The following ZFP64 variants were observed in gnomAD, a reference collection of about 807,000 sequenced individuals.
The protein encoded by ZFP64 is zinc finger protein 64.
A neutral mutation model predicts 51.6 loss-of-function variants in ZFP64; 14 were observed. That is an observed-to-expected ratio of 0.27 (90% CI 0.18 to 0.42). ZFP64 has a LOEUF of 0.42. Among genes scored for constraint, ZFP64 ranks in the 10% least tolerant of loss-of-function variants. The probability of loss-of-function intolerance (pLI) is 1.00; values close to 1 mark genes in which losing one functional copy is unlikely to be tolerated. For missense variants in ZFP64, 754 were observed against 906.8 expected, an observed-to-expected ratio of 0.83 and a Z score of 2.16; for synonymous variants, 375 against 361.4, an observed-to-expected ratio of 1.04 and a Z score of -0.43.
chr20:52,137,260 G>C (rs1266628158), intron 5 of ZFP64, among the ~76,000 whole-genome samples: 2 of 152,006 alleles, frequency 1.3e-5, no homozygotes, highest in African/African-American at 4.8e-5. Flanking sequence ...TTCAGAGATG[G>C]GTTCTCTCCA....
chr20:52,178,723 G>A lies in ZFP64; in HGVS notation c.286+8109C>T, dbSNP rs554660504. Among the ~76,000 whole-genome samples, 85 of 144,000 alleles carry A rather than the reference G, an allele frequency of 5.9e-4. 2 individuals are homozygous for A. The South Asian group carries it at 9.5e-3, about 16-fold the overall frequency. 94.5% of individuals were successfully genotyped at this position (144,000 alleles called of 152,430 possible). A position where few individuals can be genotyped will look rare whatever the true frequency, so the allele number is the denominator to read the frequency against. On this transcript the variant is annotated intron_variant, in intron 2 of 5. Coordinates refer to ENST00000216923, the MANE Select transcript of ZFP64 (RefSeq NM_018197.3). The stretch of plus-strand genomic sequence containing the variant: ...ATTAGGAAATGCCCCCTTTCCCACC[G>A]TCTTTCTCCCAAAAGCCAATGGGTC...
At chr20:52,176,756 G>T (rs1047130544) in intron 2 of ZFP64, among the ~76,000 whole-genome samples, 2 of 151,826 alleles carry the variant, frequency 1.3e-5, no homozygotes, top group African/African-American at 4.8e-5. Flanking sequence ...TGATCCACCC[G>T]CCTCGGCCTC....
chr20:52,088,922 A>C (rs1013861257), intron 7 of ZFP64: 2 of 607,260 alleles, frequency 3.3e-6, no homozygotes, highest in Non-Finnish European at 6.2e-6. Context: ...TGGTTATAGA[A>C]GTACTCAGGA....
In ZFP64 at chr20:52,085,076, G is replaced by T. The variant is rs1213504966; in HGVS notation, c.1419C>A (p.Ala473=). The T allele has an allele frequency of 6.2e-7, 1 of 1,614,256 alleles. No homozygotes were observed. Among genetic ancestry groups the T allele is most frequent in the African/African-American group, 1.3e-5 (1 of 75,080 alleles). ...GGTCAGCCCGGTCCCGGCCCTGGAA[G>T]GCACAGTGCAGACATTTGAAGGTGT... Residue 473 remains alanine (A), a synonymous_variant, in exon 9 of 9, where the codon GCC becomes GCA. Coordinates refer to the ZFP64 transcript ENST00000361387. The surrounding 1 kb of genome is among the most constrained non-coding windows in gnomAD (Gnocchi z 4.3).
chr20:52,153,112 G>T lies in ZFP64; in HGVS notation c.1080C>A (p.Ile360=). 2.5e-6 allele frequency: 4 copies of T among 1,614,248 alleles called. No individual in the cohort carries two copies. The highest frequency in any genetic ancestry group is 3.4e-6 in the Non-Finnish European group (4 of 1,180,050). The change falls in exon 6 of 6, where the codon ATC becomes ATA. Residue 360 remains isoleucine, a synonymous_variant. Transcript: ENST00000216923. This position sits in a 1 kb window ranked among gnomAD's most constrained non-coding sequence, Gnocchi z 5.1. The stretch of plus-strand genomic sequence containing the variant: ...GGTCGGTGCAGTGGATACGCTCGTG[G>T]ATGCGCAGGGCGGCCTTGCTGGAGC... ...YSCSSKAALR[I]HERIHCTDRP... is the part of the protein sequence containing the mutation.
chr20:52,087,346 C>T (rs1235974792), intron 8 of ZFP64, among the ~76,000 whole-genome samples: 1 of 152,178 alleles, frequency 6.6e-6, no homozygotes, highest in Non-Finnish European at 1.5e-5. Context: ...ATTCTCAGTT[C>T]ACTCACCCAA....
At chr20:52,138,059 A>T (rs200887094) in intron 5 of ZFP64, among the ~76,000 whole-genome samples, 48,501 of 132,272 alleles carry the variant, frequency 0.37, 8,920 homozygotes, top group Non-Finnish European at 0.43. Flanking sequence ...ATAAATAAGC[A>T]AGCCAGGCAT....
downstream of ZFP64, among the ~76,000 whole-genome samples, chr20:52,148,560 G>T (rs1373541901): frequency 6.6e-6 from 1 of 152,196 alleles, no homozygotes; most frequent in African/African-American, 2.4e-5. Context: ...AATTAGCCAG[G>T]TGTGGTGGCA....
At chr20:52,124,352 C>T (rs990448596) in intron 5 of ZFP64, among the ~76,000 whole-genome samples, 8 of 151,948 alleles carry the variant, frequency 5.3e-5, no homozygotes, top group African/African-American at 1.9e-4. Context: ...TTCTGGGGAG[C>T]GAAGTTGGAA....
chr20:52,178,386 T>C (rs1983390569), intron 2 of ZFP64, among the ~76,000 whole-genome samples: 1 of 152,202 alleles, frequency 6.6e-6, no homozygotes, highest in Non-Finnish European at 1.5e-5. Flanking sequence ...ACTGGTCAAA[T>C]GGGGATAATA....
exon 9 of ZFP64, chr20:52,084,407 C>A (rs2078841873): frequency 2.7e-6 from 2 of 728,620 alleles, no homozygotes; most frequent in Non-Finnish European, 4.4e-6. Flanking sequence ...GTCACTGTCG[C>A]CCAGCCATCG....
At chr20:52,097,300 T>A (rs556869134) in intron 7 of ZFP64, 1 of 1,522,382 alleles carries the variant, frequency 6.6e-7, no homozygotes, top group East Asian at 2.3e-5. Context: ...TGTTCATTAC[T>A]GTGTCCCTAG....
chr20:52,159,931 C>T (rs911446965), intron 5 of ZFP64, among the ~76,000 whole-genome samples, 192 bp downstream of exon 5: 2 of 152,052 alleles, frequency 1.3e-5, no homozygotes, highest in African/African-American at 2.4e-5. Context: ...GCTGAGATAG[C>T]GCCACTGCAC....
rs777524072 is a variant in ZFP64, at chr20:52,191,548, C to T, written c.46+43G>A. The stretch of plus-strand genomic sequence containing the variant: ...GCTTGGGCCCGGGCCCCGGAGCGCG[C>T]ACTGGGCCCCGGAGCGCGCACTGCT... On this transcript the variant is annotated intron_variant, in intron 1 of 5. Coordinates refer to ENST00000216923, the MANE Select transcript of ZFP64 (RefSeq NM_018197.3). This position sits in a 1 kb window ranked among gnomAD's most constrained non-coding sequence, Gnocchi z 4.3. 3 of 1,525,036 alleles carry T rather than the reference C, an allele frequency of 2.0e-6. No individual in the cohort carries two copies. Among genetic ancestry groups the T allele is most frequent in the Non-Finnish European group, 2.6e-6 (3 of 1,140,346 alleles). The allele number at this position is 1,525,036 out of a possible 1,614,324, so 94.5% of individuals were successfully genotyped here.
downstream of ZFP64, among the ~76,000 whole-genome samples, chr20:52,149,753 ATGTG>A (rs1466206394): frequency 6.6e-6 from 1 of 152,192 alleles, no homozygotes; most frequent in Non-Finnish European, 1.5e-5. Context: ...CTATGCATGC[ATGTG>A]TATGTATGTA....
intron 2 of ZFP64, 30 bp downstream of exon 2, chr20:52,186,802 C>T: frequency 6.3e-7 from 1 of 1,581,444 alleles, no homozygotes. Flanking sequence ...CAGGCCAATT[C>T]TGGCCGACTC....
chr20:52,101,440 G>A (rs1481480364), intron 5 of ZFP64, among the ~76,000 whole-genome samples: 2 of 152,150 alleles, frequency 1.3e-5, no homozygotes, highest in Non-Finnish European at 2.9e-5. Flanking sequence ...CACCAACATG[G>A]CTCACTGCAA....
exon 9 of ZFP64, chr20:52,084,536 T>C: frequency 8.1e-6 from 13 of 1,599,620 alleles, no homozygotes; most frequent in Non-Finnish European, 1.1e-5. Context: ...TTCCGACAGC[T>C]GACCACCCTC....
At chr20:52,131,813 C>T (rs1979736139) in intron 5 of ZFP64, among the ~76,000 whole-genome samples, 1 of 152,082 alleles carries the variant, frequency 6.6e-6, no homozygotes, top group South Asian at 2.1e-4. Flanking sequence ...GCCAGATCTT[C>T]CCGACAGAAA....
Sources: allele counts gnomAD v4.1 joint callset (sites outside exome capture counted in the v4.1 genomes callset), GRCh38; gene constraint gnomAD v4.1.1; non-coding constraint Gnocchi (gnomAD v3.1); transcripts MANE v1.5; gene names NCBI Gene and HGNC (gene_info 2026-07-23, HGNC 2026-07-21).